Variants in SYT10 observed in about 807,000 individuals in gnomAD.
SYT10 encodes synaptotagmin-10.
In SYT10, 31 loss-of-function variants were observed where a neutral mutation model predicts 51.1. The observed-to-expected ratio is 0.61, with a 90% CI of 0.46 to 0.82. The LOEUF (loss-of-function observed/expected upper bound fraction) is 0.82. Ranked by LOEUF, SYT10 falls within the 40% of genes least tolerant of loss-of-function variation. The probability of loss-of-function intolerance (pLI) is 0.00; values close to 1 mark genes in which losing one functional copy is unlikely to be tolerated. For missense variants in SYT10, 603 were observed against 634.0 expected, an observed-to-expected ratio of 0.95 and a Z score of 0.53; for synonymous variants, 233 against 225.9, an observed-to-expected ratio of 1.03 and a Z score of -0.28.
In SYT10 at chr12:33,375,707, T is replaced by C. The variant is rs1866056750; in HGVS notation, c.*1123A>G. ...TTAATTTGTTTATTATTATTAAGCA[T>C]TGAAGTTGTATTATTAATATTTATA... On this transcript the variant is annotated 3_prime_UTR_variant, in exon 7 of 7. Transcript: ENST00000228567. 6.6e-6 allele frequency: 1 copy of C among 152,406 alleles called. No individual in the cohort carries two copies. Among genetic ancestry groups the C allele is most frequent in the African/African-American group, 2.4e-5 (1 of 41,460 alleles). 9.4% of individuals were successfully genotyped at this position (152,406 alleles called of 1,614,324 possible).
intron 2 of SYT10, among the ~76,000 whole-genome samples, chr12:33,412,804 C>T (rs1866419075): frequency 6.6e-6 from 1 of 152,134 alleles, no homozygotes; most frequent in Non-Finnish European, 1.5e-5. Context: ...AATGCAGCTC[C>T]TCGCCAGCAG....
chr12:33,389,883 T>C (rs1462130874), intron 3 of SYT10, among the ~76,000 whole-genome samples: 3 of 152,206 alleles, frequency 2.0e-5, no homozygotes, highest in Non-Finnish European at 2.9e-5. Flanking sequence ...AGTGGGTCTA[T>C]TGGACTCAAA....
rs200795437 is a variant in SYT10 at position 33,391,241 on chromosome 12, TA to T, written c.1078-5951del. Reference sequence around the variant, plus strand: ...CGTGAGCCAACGCCTGGCTGCTTTTTATTTTATTTTATTTTTTTTTATCTTG... The same window carrying T: ...CGTGAGCCAACGCCTGGCTGCTTTTTTTTTATTTTATTTTTTTTTATCTTG... On this transcript the variant is annotated intron_variant, in intron 3 of 6. Transcript: ENST00000228567. Among the ~76,000 whole-genome samples, 467 of 151,048 alleles carry T rather than the reference TA, an allele frequency of 3.1e-3. 3 individuals carry two copies. Among genetic ancestry groups the T allele is most frequent in the African/African-American group, 0.01 (429 of 41,274 alleles).
rs1173639569 is a variant in SYT10, at chr12:33,374,806, A to T, written c.*2024T>A. 6.6e-6 allele frequency: 1 copy of T among 151,910 alleles called. No individual in the cohort carries two copies. The highest frequency in any genetic ancestry group is 1.5e-5 in the Non-Finnish European group (1 of 67,880). The allele number at this position is 151,910 out of a possible 1,614,324, so 9.4% of individuals were successfully genotyped here. A position where few individuals can be genotyped will look rare whatever the true frequency, so the allele number is the denominator to read the frequency against. The stretch of plus-strand genomic sequence containing the variant: ...TCACAAGCATTGGCTTTTTCTCCTT[A>T]GGGAGTAAAGAAAAGCGAGTTTCTA... On this transcript the variant is annotated 3_prime_UTR_variant, in exon 7 of 7. Coordinates refer to ENST00000228567, the MANE Select transcript of SYT10 (RefSeq NM_198992.4).
At chr12:33,427,575 G>A (rs540506698) in intron 1 of SYT10, among the ~76,000 whole-genome samples, 1 of 152,278 alleles carries the variant, frequency 6.6e-6, no homozygotes, top group African/African-American at 2.4e-5. Flanking sequence ...CAAGAAGTTA[G>A]ATTAAGTAGA....
At chr12:33,380,634 G>T (rs1866106164) in intron 5 of SYT10, among the ~76,000 whole-genome samples, 1 of 152,148 alleles carries the variant, frequency 6.6e-6, no homozygotes, top group Admixed American at 6.5e-5. Context: ...TAGTTTAAAT[G>T]TACTGACCCA....
intron 3 of SYT10, among the ~76,000 whole-genome samples, chr12:33,403,621 T>A (rs1348520155): frequency 6.6e-6 from 1 of 152,176 alleles, no homozygotes; most frequent in Non-Finnish European, 1.5e-5. Context: ...CCTCTGTAGG[T>A]TTCCGCAGGA....
intron 3 of SYT10, among the ~76,000 whole-genome samples, chr12:33,401,809 T>C (rs1209389381): frequency 1.3e-5 from 2 of 152,204 alleles, no homozygotes; most frequent in African/African-American, 4.8e-5. Context: ...CTTAATCTCA[T>C]ATGAAAATTT....
At chr12:33,403,229 T>C (rs1434829105) in intron 3 of SYT10, among the ~76,000 whole-genome samples, 1 of 133,252 alleles carries the variant, frequency 7.5e-6, no homozygotes, top group African/African-American at 3.0e-5. Flanking sequence ...CTTAATCTGA[T>C]AGTCTTTTTT....
At chr12:33,419,989 T>C (rs940607162) in intron 2 of SYT10, among the ~76,000 whole-genome samples, 1 of 152,162 alleles carries the variant, frequency 6.6e-6, no homozygotes, top group African/African-American at 2.4e-5. Flanking sequence ...CTATGCTCAG[T>C]GTGCAATTTT....
intron 2 of SYT10, among the ~76,000 whole-genome samples, chr12:33,420,025 G>C (rs561543513): frequency 1.3e-5 from 2 of 152,240 alleles, no homozygotes; most frequent in African/African-American, 4.8e-5. Context: ...TTTGTAATAT[G>C]TTTCTGACTC....
At chr12:33,393,151 T>C (rs1490565234) in intron 3 of SYT10, among the ~76,000 whole-genome samples, 1 of 152,082 alleles carries the variant, frequency 6.6e-6, no homozygotes, top group East Asian at 1.9e-4. Flanking sequence ...AAACAATCCT[T>C]CCTTGATTTA....
At chr12:33,384,840 A>G (rs1866143678) in intron 4 of SYT10, among the ~76,000 whole-genome samples, 1 of 152,184 alleles carries the variant, frequency 6.6e-6, no homozygotes, top group Admixed American at 6.6e-5. Flanking sequence ...TCATCGCTTA[A>G]GCCTAAGAAT....
intron 1 of SYT10, among the ~76,000 whole-genome samples, chr12:33,427,051 C>T (rs1866559164): frequency 6.6e-6 from 1 of 152,092 alleles, no homozygotes; most frequent in South Asian, 2.1e-4. Context: ...ATTTTTGTTT[C>T]TAATTTCTCT....
At chr12:33,396,343 G>T (rs1866255704) in intron 3 of SYT10, among the ~76,000 whole-genome samples, 2 of 152,110 alleles carry the variant, frequency 1.3e-5, no homozygotes, top group Admixed American at 1.3e-4. Flanking sequence ...ACTTATAACA[G>T]AGATGAGATA....
At chr12:33,396,580 A>G (rs1165229294) in intron 3 of SYT10, among the ~76,000 whole-genome samples, 1 of 152,130 alleles carries the variant, frequency 6.6e-6, no homozygotes, top group Non-Finnish European at 1.5e-5. Context: ...TAACACAGAG[A>G]GTTATTTTTT....
chr12:33,402,614 T>G (rs1408214848), intron 3 of SYT10, among the ~76,000 whole-genome samples: 1 of 152,236 alleles, frequency 6.6e-6, no homozygotes, highest in East Asian at 1.9e-4. Context: ...ATTTTAGAAC[T>G]AAACTTTGTT....
At chr12:33,415,539 C>T (rs933539162) in intron 2 of SYT10, among the ~76,000 whole-genome samples, 1 of 152,086 alleles carries the variant, frequency 6.6e-6, no homozygotes, top group Non-Finnish European at 1.5e-5. Flanking sequence ...TTAGATATTG[C>T]TTAAGAAATC....
chr12:33,413,276 A>G (rs1324803195), intron 2 of SYT10, among the ~76,000 whole-genome samples: 1 of 152,246 alleles, frequency 6.6e-6, no homozygotes, highest in Non-Finnish European at 1.5e-5. Context: ...ATTATCCAGG[A>G]GAACTTCCCC....
Sources: allele counts gnomAD v4.1 joint callset (sites outside exome capture counted in the v4.1 genomes callset), GRCh38; gene constraint gnomAD v4.1.1; transcripts MANE v1.5; gene names NCBI Gene and HGNC (gene_info 2026-07-23, HGNC 2026-07-21).